ASTN1: variants seen among roughly 807,000 people sequenced by gnomAD.
The protein encoded by ASTN1 is astrotactin-1.
In ASTN1, 41 loss-of-function variants were observed where a neutral mutation model predicts 140.7. The ratio of observed to expected loss-of-function variants is 0.29; its 90% CI spans 0.23 to 0.38. ASTN1 has a LOEUF of 0.38. Among genes scored for constraint, ASTN1 ranks in the 10% least tolerant of loss-of-function variants. ASTN1 has a pLI of 1.00. For synonymous variants in ASTN1, 640 were observed against 652.2 expected (o/e 0.98, Z 0.29); for missense variants, 1,479 against 1,678.8 (o/e 0.88, Z 2.08).
intron 1 of ASTN1, among the ~76,000 whole-genome samples, chr1:177,159,731 G>C (rs1246273316): frequency 6.8e-6 from 1 of 147,820 alleles, no homozygotes; most frequent in African/African-American, 2.5e-5. Flanking sequence ...CCTTCTCTCT[G>C]GGACTCTCAG....
chr1:177,160,642 C>T (rs1054497612), intron 1 of ASTN1, among the ~76,000 whole-genome samples: 15 of 152,146 alleles, frequency 9.9e-5, no homozygotes, highest in African/African-American at 3.4e-4. Context: ...TCCTTATCTC[C>T]AAATCAAATA....
intron 7 of ASTN1, among the ~76,000 whole-genome samples, chr1:177,020,772 G>T (rs2101951218): frequency 6.6e-6 from 1 of 152,236 alleles, no homozygotes; most frequent in Middle Eastern, 3.4e-3. Context: ...GACTCACTTG[G>T]GGATGCTCTT....
At chr1:176,975,192 G>T (rs1673313582) in intron 8 of ASTN1, among the ~76,000 whole-genome samples, 1 of 152,212 alleles carries the variant, frequency 6.6e-6, no homozygotes, top group African/African-American at 2.4e-5. Flanking sequence ...GCCATTTATT[G>T]TGCATTTCCA....
chr1:177,013,905 G>A (rs1181573764), intron 8 of ASTN1, among the ~76,000 whole-genome samples: 2 of 152,146 alleles, frequency 1.3e-5, no homozygotes, highest in African/African-American at 2.4e-5. Flanking sequence ...AGAGGGCAGG[G>A]CACAGTGGCT....
chr1:176,933,635 C>T (rs2103090708), intron 16 of ASTN1, among the ~76,000 whole-genome samples: 1 of 152,272 alleles, frequency 6.6e-6, no homozygotes, highest in Non-Finnish European at 1.5e-5. Flanking sequence ...TTATTCAGAG[C>T]TATATAAACA....
chr1:177,090,439 A>G (rs1452151740), intron 1 of ASTN1, among the ~76,000 whole-genome samples: 1 of 152,198 alleles, frequency 6.6e-6, no homozygotes, highest in East Asian at 1.9e-4. Flanking sequence ...CCTAAAGAAC[A>G]AGATCCATGA....
intron 1 of ASTN1, among the ~76,000 whole-genome samples, chr1:177,123,004 TC>T (rs1681476346): frequency 6.6e-6 from 1 of 152,250 alleles, no homozygotes; most frequent in East Asian, 1.9e-4. Context: ...AGGCCAAGGC[TC>T]CTCTCAACAC....
intron 7 of ASTN1, among the ~76,000 whole-genome samples, chr1:177,017,820 C>T (rs541239257): frequency 9.2e-5 from 14 of 152,276 alleles, no homozygotes; most frequent in Admixed American, 4.6e-4. Flanking sequence ...TGACAGTAGA[C>T]GCCTCGAGGT....
intron 1 of ASTN1, among the ~76,000 whole-genome samples, chr1:177,118,139 A>G (rs1681189241): frequency 6.6e-6 from 1 of 152,202 alleles, no homozygotes; most frequent in Non-Finnish European, 1.5e-5. Context: ...TCTTTTTGAT[A>G]TTTATATTCC....
rs1433709650 is a variant in ASTN1, at chr1:177,164,404, G to A, written c.273C>T (p.Tyr91=). The part of the protein sequence containing the change: ...VDDLENTELP[Y]FVLEISGNTE... ...TCCCCCGGGACTCACCCAGCACGAA[G>A]TAGGGCAGCTCCGTGTTCTCCAGGT... The change falls in exon 1 of 23, where the codon TAC becomes TAT. Residue 91 remains tyrosine, a synonymous_variant. Transcript: ENST00000361833. The A allele has an allele frequency of 6.2e-7, 1 of 1,604,994 alleles. No individual in the cohort carries two copies. Among genetic ancestry groups the A allele is most frequent in the African/African-American group, 1.3e-5 (1 of 74,612 alleles).
At chr1:177,079,713 A>T (rs1247094270) in intron 1 of ASTN1, among the ~76,000 whole-genome samples, 3 of 152,074 alleles carry the variant, frequency 2.0e-5, no homozygotes, top group Admixed American at 6.6e-5. Flanking sequence ...GACACTTGAA[A>T]ATACTGTCCT....
At chr1:176,976,704 T>C (rs1479664357) in intron 8 of ASTN1, 1 of 152,224 alleles carries the variant, frequency 6.6e-6, no homozygotes, top group African/African-American at 2.4e-5. Flanking sequence ...TCCACTTCTC[T>C]CTGGTTCTGC....
rs573481212 is a variant in ASTN1, at chr1:176,977,235, A to G, written c.1524-11998T>C. On this transcript the variant is annotated intron_variant, in intron 8 of 22. Transcript: ENST00000361833. ...TCCCAAAGTCTTTTTCTATCTACTA[A>G]TCTGTTTAAATTCAACATATATTTA... Among the ~76,000 whole-genome samples the G allele has an allele frequency of 6.6e-5, 10 of 152,332 alleles. No individual in the cohort carries two copies. The East Asian group carries it at 1.9e-3, about 29-fold the overall frequency.
intron 1 of ASTN1, among the ~76,000 whole-genome samples, chr1:177,163,267 G>A (rs12088305): frequency 0.16 from 23,583 of 152,062 alleles, 3,700 homozygotes; most frequent in African/African-American, 0.4. Flanking sequence ...ACTGAAGTGT[G>A]GTTTTCTTTG....
intron 1 of ASTN1, among the ~76,000 whole-genome samples, chr1:177,143,574 C>T (rs1354426417): frequency 6.6e-6 from 1 of 152,118 alleles, no homozygotes; most frequent in African/African-American, 2.4e-5. Context: ...GACAGAGATT[C>T]CGAAATGTCA....
At chr1:176,891,175 T>C (rs1669247837) in intron 17 of ASTN1, among the ~76,000 whole-genome samples, 1 of 152,232 alleles carries the variant, frequency 6.6e-6, no homozygotes, top group Admixed American at 6.5e-5. Context: ...ATTACATTTG[T>C]CTGAGTATCT....
chr1:176,986,794 G>A (rs1329835317), intron 8 of ASTN1, among the ~76,000 whole-genome samples: 2 of 152,060 alleles, frequency 1.3e-5, no homozygotes, highest in Non-Finnish European at 2.9e-5. Flanking sequence ...GAAAATAATA[G>A]TCACCTTATA....
At position 176,877,088 on chromosome 1, in the gene ASTN1, T is replaced by C. The variant is rs570555689; in HGVS notation, c.3363-451A>G. ...GACAACCACTCAGGGGAAGAGTTTA[T>C]ATCTTTGGAAACAGACAGTCAGAAC... On this transcript the variant is annotated intron_variant, in intron 20 of 22. Transcript: ENST00000361833. Among the ~76,000 whole-genome samples, 31 of 152,314 alleles carry C rather than the reference T, an allele frequency of 2.0e-4. 1 individual carries two copies. The highest frequency in any genetic ancestry group is 4.6e-4 in the Admixed American group (7 of 15,304).
At chr1:177,005,641 A>G (rs889885870) in intron 8 of ASTN1, among the ~76,000 whole-genome samples, 1 of 152,216 alleles carries the variant, frequency 6.6e-6, no homozygotes, top group African/African-American at 2.4e-5. Flanking sequence ...ATATTCATAT[A>G]TATAATGTGT....
Sources: allele counts gnomAD v4.1 joint callset (sites outside exome capture counted in the v4.1 genomes callset), GRCh38; gene constraint gnomAD v4.1.1; transcripts MANE v1.5; gene names NCBI Gene and HGNC (gene_info 2026-07-23, HGNC 2026-07-21).